Variants in TNNT3 observed in about 807,000 individuals in gnomAD.
The protein encoded by TNNT3 is troponin T3, fast skeletal type.
Under a neutral mutation model 54.2 loss-of-function variants are expected in TNNT3, and 36 were observed. The ratio of observed to expected loss-of-function variants is 0.66; its 90% CI spans 0.51 to 0.88. TNNT3 has a LOEUF of 0.88. Among genes scored for constraint, TNNT3 ranks in the 40% least tolerant of loss-of-function variants. The pLI is 0.00. For synonymous variants in TNNT3, 120 were observed against 109.7 expected (o/e 1.09, Z -0.59); for missense variants, 291 against 331.6 (o/e 0.88, Z 0.95).
chr11:1,936,734 C>T (rs1244731562), intron 14 of TNNT3, among the ~76,000 whole-genome samples: 1 of 152,220 alleles, frequency 6.6e-6, no homozygotes, highest in Non-Finnish European at 1.5e-5. Flanking sequence ...GCAGTCCAGG[C>T]CAGTACAGGC....
rs922664549 is a variant in TNNT3 at position 1,929,974 on chromosome 11, C to T, written c.125+146C>T. 131 of 1,149,628 alleles carry T rather than the reference C, an allele frequency of 1.1e-4. No individual in the cohort carries two copies. The East Asian group carries it at 2.8e-3, about 25-fold the overall frequency. The allele number at this position is 1,149,628 out of a possible 1,614,324, so 71.2% of individuals were successfully genotyped here. On this transcript the variant is annotated intron_variant, in intron 8 of 15. Coordinates refer to ENST00000278317, the MANE Select transcript of TNNT3 (RefSeq NM_006757.4). ...GAGTGTGGGGTCCTGGCAGGCCCAG[C>T]GCCTCGTGTGTTCCGTGGTGGAGGC...
intron 8 of TNNT3, 110 bp downstream of exon 8, chr11:1,929,938 G>A (rs941983409): frequency 1.7e-5 from 25 of 1,440,966 alleles, no homozygotes; most frequent in Middle Eastern, 2.4e-4. Context: ...CTGGGGTGGC[G>A]GTGGCCAAGT....
chr11:1,928,357 T>C lies in TNNT3; in HGVS notation c.83-763T>C, dbSNP rs1852229419. On this transcript the variant is annotated intron_variant, in intron 6 of 15. Transcript: ENST00000278317. ...AGTGTATCCTAAAGGAAGCCACCCC[T>C]TATTAGGGTGGCCAGGGCAGGCCAG... Among the ~76,000 whole-genome samples, 3 of 151,850 alleles carry C rather than the reference T, an allele frequency of 2.0e-5. No homozygotes were observed. The South Asian group carries it at 6.2e-4, about 32-fold the overall frequency.
At chr11:1,928,738 C>T (rs1326467307) in intron 6 of TNNT3, among the ~76,000 whole-genome samples, 4 of 152,194 alleles carry the variant, frequency 2.6e-5, no homozygotes, top group South Asian at 2.1e-4. Flanking sequence ...CCGGCTGCAA[C>T]GCCCTCTTGG....
intron 1 of TNNT3, among the ~76,000 whole-genome samples, chr11:1,920,527 C>A (rs897113676): frequency 1.5e-5 from 2 of 129,098 alleles, no homozygotes; most frequent in East Asian, 2.6e-4. Flanking sequence ...TCTGATCAGG[C>A]CTTGGCTGCC....
intron 9 of TNNT3, 31 bp from the exon 10 acceptor site, chr11:1,933,690 T>C: frequency 1.3e-6 from 2 of 1,551,840 alleles, no homozygotes; most frequent in Non-Finnish European, 1.8e-6. Flanking sequence ...GAGAGAGGGG[T>C]GGGGCTCACA....
In TNNT3 at chr11:1,935,802, G is replaced by A. The variant is rs541758055; in HGVS notation, c.681+883G>A. 2.6e-5 allele frequency among the ~76,000 whole-genome samples: 4 copies of A among 152,182 alleles called. No individual in the cohort carries two copies. In the East Asian group the frequency reaches 5.8e-4, roughly 22 times the overall value. On this transcript the variant is annotated intron_variant, in intron 14 of 15. Transcript: ENST00000278317. ...TACCCAGGTGCAGCAGGTGTGGGGC[G>A]ACCAGTCCAAGCCAGCCGGGCAAAT...
Position 1,926,603 on chromosome 11 carries a change from G to A in TNNT3, c.68-92G>A, listed in dbSNP as rs746497158. The A allele has an allele frequency of 9.3e-6, 15 of 1,608,886 alleles. No individual in the cohort carries two copies. The African/African-American group carries it at 1.3e-4, about 14-fold the overall frequency. ...CCTGGCCTGCTCGCTCCGCCGCCTC[G>A]GCCCTGCCCGCCCTCCTCTCTGCGC... On this transcript the variant is annotated intron_variant, in intron 5 of 15. Coordinates refer to ENST00000278317, the MANE Select transcript of TNNT3 (RefSeq NM_006757.4).
chr11:1,920,743 C>T (rs997467606), intron 1 of TNNT3, among the ~76,000 whole-genome samples: 9 of 152,142 alleles, frequency 5.9e-5, no homozygotes, highest in African/African-American at 2.2e-4. Context: ...TTCACGCAGC[C>T]CCTCCAAGGC....
intron 14 of TNNT3, chr11:1,935,234 AT>A: frequency 2.2e-6 from 1 of 465,026 alleles, no homozygotes. Flanking sequence ...CTCAGGGTTC[AT>A]TTTCGGAACC....
chr11:1,922,405 C>T (rs1156254985), intron 1 of TNNT3, among the ~76,000 whole-genome samples: 3 of 152,158 alleles, frequency 2.0e-5, no homozygotes, highest in Non-Finnish European at 4.4e-5. Flanking sequence ...GAGACCCCAC[C>T]TACACCCACT....
chr11:1,934,018 C>G lies in TNNT3; in HGVS notation c.366+10C>G. 6.2e-7 allele frequency: 1 copy of G among 1,610,310 alleles called. No homozygotes were observed. The highest frequency in any genetic ancestry group is 8.5e-7 in the Non-Finnish European group (1 of 1,178,718). The stretch of plus-strand genomic sequence containing the variant: ...CCAGAACAGACTGGCGGTGAGGGCA[C>G]CATCCGCACTGCTGCCTCATCAGAG... On this transcript the variant is annotated intron_variant, in intron 11 of 15. Coordinates refer to ENST00000278317, the MANE Select transcript of TNNT3 (RefSeq NM_006757.4).
chr11:1,932,346 T>C, intron 8 of TNNT3, 123 bp from the exon 9 acceptor site: 1 of 907,476 alleles, frequency 1.1e-6, no homozygotes, highest in South Asian at 1.3e-5. Context: ...GCGGGCATGC[T>C]TGGCTGGGGG....
intron 6 of TNNT3, 114 bp from the exon 7 acceptor site, chr11:1,929,006 T>C: frequency 8.2e-7 from 1 of 1,216,764 alleles, no homozygotes; most frequent in Non-Finnish European, 1.2e-6. Flanking sequence ...GAAGAGAGTG[T>C]CCGAGTGAGA....
chr11:1,926,597 C>T (rs1188145025), intron 5 of TNNT3, 98 bp from the exon 6 acceptor site: 13 of 1,608,464 alleles, frequency 8.1e-6, no homozygotes, highest in East Asian at 4.5e-5. Flanking sequence ...CTCGCTCCGC[C>T]GCCTCGGCCC....
At chr11:1,935,014 C>T in intron 14 of TNNT3, 95 bp downstream of exon 14, 1 of 1,218,036 alleles carries the variant, frequency 8.2e-7, no homozygotes, top group Non-Finnish European at 1.2e-6. Flanking sequence ...TCTGGACCTG[C>T]CCACCCCAGG....
At chr11:1,928,720 C>G (rs1040109723) in intron 6 of TNNT3, among the ~76,000 whole-genome samples, 1 of 152,180 alleles carries the variant, frequency 6.6e-6, no homozygotes, top group African/African-American at 2.4e-5. Context: ...AAAGGGGCTG[C>G]ACCCACCCCG....
rs73413038 is a variant in TNNT3, at chr11:1,934,316, A to G, written c.367-16A>G. 27,220 of 1,606,624 alleles carry G rather than the reference A, an allele frequency of 0.017. 657 individuals are homozygous for G. The highest frequency in any genetic ancestry group is 0.1 in the African/African-American group (7,528 of 74,862). Reference sequence around the variant, plus strand: ...TCTCTCCATCCCTGAGCATCTTGGGAATGGGGTCTCCACAGGAGGAAAAGG... The same window carrying G: ...TCTCTCCATCCCTGAGCATCTTGGGGATGGGGTCTCCACAGGAGGAAAAGG... On this transcript the variant is annotated splice_polypyrimidine_tract_variant and intron_variant, in intron 11 of 15. Transcript: ENST00000278317.
intron 14 of TNNT3, 138 bp from the exon 15 acceptor site, chr11:1,936,825 A>G (rs1855224996): frequency 1.2e-6 from 1 of 829,368 alleles, no homozygotes; most frequent in South Asian, 1.4e-5. Context: ...ACAGTAAGGG[A>G]GCCGAGGAGC....
Sources: allele counts gnomAD v4.1 joint callset (sites outside exome capture counted in the v4.1 genomes callset), GRCh38; gene constraint gnomAD v4.1.1; transcripts MANE v1.5; gene names NCBI Gene and HGNC (gene_info 2026-07-23, HGNC 2026-07-21).